Variants in NDUFV1 observed in about 807,000 individuals in gnomAD.
NDUFV1 encodes the protein NADH dehydrogenase [ubiquinone] flavoprotein 1, mitochondrial.
Under a neutral mutation model 48.7 loss-of-function variants are expected in NDUFV1, and 41 were observed. That is an observed-to-expected ratio of 0.84 (90% CI 0.66 to 1.09). The LOEUF (loss-of-function observed/expected upper bound fraction) is 1.09. Ranked by LOEUF, NDUFV1 falls within the 50% of genes least tolerant of loss-of-function variation. The pLI is 0.00. For synonymous variants in NDUFV1, 231 were observed against 259.1 expected, an observed-to-expected ratio of 0.89 and a Z score of 1.04; for missense variants, 580 against 645.4, an observed-to-expected ratio of 0.90 and a Z score of 1.10.
intron 3 of NDUFV1, 34 bp from the exon 4 acceptor site, chr11:67,609,418 C>T: frequency 6.2e-7 from 1 of 1,610,314 alleles, no homozygotes; most frequent in Non-Finnish European, 8.5e-7. Context: ...GTCCTGATGG[C>T]CCTGTAGCCT....
At chr11:67,607,473 T>A (rs767127041) in intron 1 of NDUFV1, 1 of 474,136 alleles carries the variant, frequency 2.1e-6, no homozygotes, top group South Asian at 1.5e-5. Context: ...CTTAAAAGGA[T>A]GGGAATCCCG....
In NDUFV1 at chr11:67,608,738, C is replaced by A; in HGVS notation, c.326+16C>A. ...CAGATGGCAGGTGTGTGTGTGGGGGCGGGGCAGATGTGGCTGTGGGAGAGA... is the reference window on the plus strand; with the variant it reads ...CAGATGGCAGGTGTGTGTGTGGGGGAGGGGCAGATGTGGCTGTGGGAGAGA... On this transcript the variant is annotated intron_variant, in intron 3 of 9. Transcript: ENST00000322776. The A allele has an allele frequency of 6.2e-7, 1 of 1,612,678 alleles. No homozygotes were observed. The highest frequency in any genetic ancestry group is 2.2e-5 in the East Asian group (1 of 44,872).
At chr11:67,608,837 C>T (rs1397185806) in intron 3 of NDUFV1, 115 bp downstream of exon 3, 2 of 1,450,460 alleles carry the variant, frequency 1.4e-6, no homozygotes, top group Non-Finnish European at 1.9e-6. Flanking sequence ...GAGGTGGGCA[C>T]ATGTTCCCAG....
At chr11:67,610,751 G>A (rs1472262494) in intron 5 of NDUFV1, 181 bp downstream of exon 5, 36 of 880,566 alleles carry the variant, frequency 4.1e-5, no homozygotes, top group Non-Finnish European at 6.2e-5. Context: ...CTCCTGCCTC[G>A]GTCCCCTCCG....
intron 1 of NDUFV1, 99 bp downstream of exon 1, chr11:67,607,175 G>A (rs1042948310): frequency 7.5e-7 from 1 of 1,333,792 alleles, no homozygotes; most frequent in South Asian, 1.2e-5. Context: ...GGCCTCTGGA[G>A]AGCCCTTCTC....
In NDUFV1 at chr11:67,608,357, C is replaced by G. The variant is rs200032542; in HGVS notation, c.73-39C>G. The G allele has an allele frequency of 9.5e-6, 15 of 1,580,214 alleles. No homozygotes were observed. The East Asian group carries it at 2.9e-4, about 31-fold the overall frequency. ...GCTTCTGGCCCAATCCCTCATGGCC[C>G]CAGAGCACTCTGGGCCTCCTGACCC... is the stretch of plus-strand genomic sequence containing the variant. On this transcript the variant is annotated intron_variant, in intron 1 of 9. Transcript: ENST00000322776.
rs2134085776 is a variant in NDUFV1 at position 67,611,634 on chromosome 11, C to G, written c.1080+65C>G. On this transcript the variant is annotated intron_variant, in intron 7 of 9. Transcript: ENST00000322776. This position sits in a 1 kb window ranked among gnomAD's most constrained non-coding sequence, Gnocchi z 4.2. ...GTTGCTGTCTCCCTCCCTGGGCCTC[C>G]CAGAAAACCCTCTTGCCAGCACTCA... 3 of 1,564,294 alleles carry G rather than the reference C, an allele frequency of 1.9e-6. No individual in the cohort carries two copies. The South Asian group carries it at 3.5e-5, about 18-fold the overall frequency.
At chr11:67,607,541 T>G (rs1271961667) in intron 1 of NDUFV1, 1 of 457,932 alleles carries the variant, frequency 2.2e-6, no homozygotes, top group East Asian at 6.9e-5. Context: ...TCATCCTAAG[T>G]GAGCCCCTCC....
At position 67,610,536 on chromosome 11, in the gene NDUFV1, G is replaced by T; in HGVS notation, c.666G>T (p.Lys222Asn). Residue 222 changes from lysine (K) to asparagine (N), a missense_variant, in exon 5 of 10, where the codon AAG becomes AAT. Physicochemically the swap from Lys to Asn is moderately conservative, Grantham distance 94. Transcript: ENST00000322776. ...LIESIEGKQG[K>N]PRLKPPFPAD... Reference sequence around the variant, plus strand: ...AGTCCATTGAGGGCAAGCAGGGCAAGCCCCGCCTGAAGCCCCCCTTCCCCG... The same window carrying T: ...AGTCCATTGAGGGCAAGCAGGGCAATCCCCGCCTGAAGCCCCCCTTCCCCG... 6.2e-7 allele frequency: 1 copy of T among 1,614,212 alleles called. No individual in the cohort carries two copies. The highest frequency in any genetic ancestry group is 8.5e-7 in the Non-Finnish European group (1 of 1,180,036).
chr11:67,609,343 C>A, intron 3 of NDUFV1, 109 bp from the exon 4 acceptor site: 8 of 1,144,290 alleles, frequency 7.0e-6, no homozygotes, highest in South Asian at 6.8e-5. Context: ...AAAGGATTGG[C>A]TGTCAGAGGA....
chr11:67,609,854 CA>C, intron 4 of NDUFV1: 1 of 501,886 alleles, frequency 2.0e-6, no homozygotes, highest in Non-Finnish European at 3.5e-6. Flanking sequence ...TTTTTTGCTT[CA>C]AAAATATAGT....
In NDUFV1 at chr11:67,608,971, G is replaced by A. The variant is rs1854861560; in HGVS notation, c.326+249G>A. Among the ~76,000 whole-genome samples, 7 of 152,208 alleles carry A rather than the reference G, an allele frequency of 4.6e-5. No homozygotes were observed. The South Asian group carries it at 1.4e-3, about 32-fold the overall frequency. ...CCTAGCTCTGCCTCCTAATCATAGAGGTTTGGGCAATTTCCCAGCCTTTGT... is the reference window on the plus strand; with the variant it reads ...CCTAGCTCTGCCTCCTAATCATAGAAGTTTGGGCAATTTCCCAGCCTTTGT... On this transcript the variant is annotated intron_variant, in intron 3 of 9. Coordinates refer to ENST00000322776, the MANE Select transcript of NDUFV1 (RefSeq NM_007103.4).
chr11:67,611,569 G>A lies in NDUFV1; in HGVS notation c.1080G>A (p.Ser360=), dbSNP rs201992354. ...GTAAVIVMDR[S]TDIVKAIARL... is the part of the protein sequence containing the mutation. Reference sequence around the variant, plus strand: ...CTGCGGTGATCGTCATGGACCGCTCGGTAAGGGTTCACACACCAGCCCTGG... The same window carrying A: ...CTGCGGTGATCGTCATGGACCGCTCAGTAAGGGTTCACACACCAGCCCTGG... The change falls in exon 7 of 10, where the codon TCG becomes TCA. Residue 360 remains serine (S), a splice_region_variant and synonymous_variant. Coordinates refer to ENST00000322776, the MANE Select transcript of NDUFV1 (RefSeq NM_007103.4). The surrounding 1 kb of genome is among the most constrained non-coding windows in gnomAD (Gnocchi z 4.2). The A allele has an allele frequency of 3.6e-5, 58 of 1,601,276 alleles. No homozygotes were observed. Among genetic ancestry groups the A allele is most frequent in the Non-Finnish European group, 4.7e-5 (55 of 1,173,944 alleles).
At chr11:67,609,909 A>G in intron 4 of NDUFV1, 1 of 450,992 alleles carries the variant, frequency 2.2e-6, no homozygotes, top group South Asian at 3.1e-5. Flanking sequence ...CCTAAGTGGA[A>G]CTATGTGTTT....
Position 67,608,466 on chromosome 11 carries a change from G to A in NDUFV1, c.143G>A (p.Arg48His), listed in dbSNP as rs772599600. 5.0e-6 allele frequency: 8 copies of A among 1,614,010 alleles called. No individual in the cohort carries two copies. In the African/African-American group the frequency reaches 6.7e-5, roughly 13 times the overall value. ...EDRIFTNLYGRHDWRLKGSLS... is the reference protein window; with the variant it reads ...EDRIFTNLYGHHDWRLKGSLS... ...CGGATTTTCACCAACCTGTACGGCC[G>A]CCATGACTGGAGGTGAGACAGTGCC... is the stretch of plus-strand genomic sequence containing the variant. The change falls in exon 2 of 10, where the codon CGC (arginine) becomes CAC (histidine). Residue 48 changes from arginine to histidine, a missense_variant. By Grantham distance (29) the Arg-to-His change is conservative (BLOSUM62 0). Transcript: ENST00000322776.
intron 1 of NDUFV1, 166 bp downstream of exon 1, chr11:67,607,242 C>G: frequency 1.2e-6 from 1 of 804,446 alleles, no homozygotes; most frequent in Non-Finnish European, 2.1e-6. Flanking sequence ...GGAACGGGTC[C>G]CAACGCGGGG....
intron 3 of NDUFV1, 84 bp downstream of exon 3, chr11:67,608,806 C>G: frequency 6.3e-7 from 1 of 1,584,078 alleles, no homozygotes. Context: ...TGGGCTCTTT[C>G]CTTAGAAACT....
chr11:67,606,990 A>T lies in NDUFV1; in HGVS notation c.-15A>T. 1 of 1,608,432 alleles carries T rather than the reference A, an allele frequency of 6.2e-7. No individual in the cohort carries two copies. The highest frequency in any genetic ancestry group is 1.1e-5 in the South Asian group (1 of 90,096). On this transcript the variant is annotated 5_prime_UTR_variant, in exon 1 of 10. Coordinates refer to ENST00000322776, the MANE Select transcript of NDUFV1 (RefSeq NM_007103.4). ...TGAAGGTGACAGCGTGAGGTGACCC[A>T]TCTGGCCCGCCGCGATGCTGGCAAC... is the stretch of plus-strand genomic sequence containing the variant.
Position 67,612,158 on chromosome 11 carries a change from AGG to A in NDUFV1, c.1206_1207del (p.Asp403CysfsTer26). The A allele has an allele frequency of 6.2e-7, 1 of 1,612,662 alleles. No homozygotes were observed. Among genetic ancestry groups the A allele is most frequent in the Non-Finnish European group, 8.5e-7 (1 of 1,179,662 alleles). ...GAACAAGGTGATGGCACGTTTCGTGAGGGGGGATGCCCGGCCGGCCGAGATCG... is the reference window on the plus strand; with the variant it reads ...GAACAAGGTGATGGCACGTTTCGTGAGGGGATGCCCGGCCGGCCGAGATCG... ...WMNKVMARFV[R>X]GDARPAEIDS... is the part of the protein sequence containing the mutation. On this transcript the variant is annotated frameshift_variant, in exon 9 of 10. Transcript: ENST00000322776. LOFTEE classifies it high-confidence loss of function. The surrounding 1 kb of genome is among the most constrained non-coding windows in gnomAD (Gnocchi z 4.4).
Sources: gnomAD v4.1 joint callset for allele counts (sites outside exome capture counted in the v4.1 genomes callset) on GRCh38, gnomAD v4.1.1 for gene constraint, Gnocchi (gnomAD v3.1) non-coding constraint, MANE v1.5 for transcripts, NCBI Gene and HGNC (gene_info 2026-07-23, HGNC 2026-07-21) for gene names.